Variants in PLEC observed in about 807,000 individuals in gnomAD.
PLEC encodes the protein plectin.
PLEC carries 216 observed loss-of-function variants against 392.8 expected under a neutral mutation model. That is an observed-to-expected ratio of 0.55 (90% CI 0.49 to 0.62). The LOEUF is 0.62. Ranked by LOEUF, PLEC falls within the 20% of genes least tolerant of loss-of-function variation. PLEC has a pLI of 0.00. For missense variants in PLEC, 6,863 were observed against 6,563.4 expected (o/e 1.05, Z -1.58); for synonymous variants, 3,621 against 2,980.6 (o/e 1.21, Z -7.00).
chr8:143,925,527 G>A lies in PLEC; in HGVS notation c.4402C>T (p.Arg1468Cys), dbSNP rs1210256536. The A allele has an allele frequency of 1.1e-5, 18 of 1,595,106 alleles. No individual in the cohort carries two copies. The highest frequency in any genetic ancestry group is 4.5e-5 in the East Asian group (2 of 44,776). ...TGCAGCTCCCCCTCAGCCCCGCCAC[G>A]CTGGCGCTCGGTGGCCTCCAACTGC... ...RLQLEATERQ[R>C]GGAEGELQAL... Residue 1468 changes from arginine to cysteine, a missense_variant, in exon 31 of 32, where the codon CGT becomes TGT. Transcript: ENST00000345136.
rs781887449 is a variant in PLEC at position 143,929,703 on chromosome 8, G to C, written c.2866C>G (p.Arg956Gly). 1 of 1,599,532 alleles carries C rather than the reference G, an allele frequency of 6.3e-7. No individual in the cohort carries two copies. ...TGGTGGCTGCAGGAGCCGTACTCGC[G>C]CTCAGCCATCAGCCGGTCCTCGGGT... ...FGPEDRLMAEREYGSCSHHYQ... is the reference protein window; with the variant it reads ...FGPEDRLMAEGEYGSCSHHYQ... The change falls in exon 23 of 32, where the codon CGC (arginine) becomes GGC (glycine). Residue 956 changes from arginine (R) to glycine (G), a missense_variant. Coordinates refer to ENST00000345136, the MANE Select transcript of PLEC (RefSeq NM_201384.3).
Position 143,925,818 on chromosome 8 carries a change from T to G in PLEC, c.4111A>C (p.Lys1371Gln). ...RLAEVEAALE[K>Q]QRQLAEAHAQ... Reference sequence around the variant, plus strand: ...TGCGCCTCGGCCAGCTGCCGCTGCTTCTCCAGCGCGGCCTCCACCTCGGCC... The same window carrying G: ...TGCGCCTCGGCCAGCTGCCGCTGCTGCTCCAGCGCGGCCTCCACCTCGGCC... The change falls in exon 31 of 32, where the codon AAG becomes CAG. Residue 1371 changes from lysine to glutamine, a missense_variant. Transcript: ENST00000345136. The G allele has an allele frequency of 6.4e-7, 1 of 1,562,934 alleles. No individual in the cohort carries two copies. Among genetic ancestry groups the G allele is most frequent in the South Asian group, 1.1e-5 (1 of 87,052 alleles).
intron 1 of PLEC, chr8:143,944,700 C>A (rs369285636): frequency 7.6e-7 from 1 of 1,312,500 alleles, no homozygotes; most frequent in Non-Finnish European, 9.8e-7. Flanking sequence ...GCAGACGGAG[C>A]GGGCCAGGGG....
chr8:143,927,813 T>A (rs1554708697), intron 26 of PLEC, 41 bp downstream of exon 26: 2 of 1,578,390 alleles, frequency 1.3e-6, no homozygotes, highest in African/African-American at 1.4e-5. Flanking sequence ...GGGCCCGCTG[T>A]ACCCCCACCC....
chr8:143,940,175 G>A (rs1830176020), upstream of PLEC, among the ~76,000 whole-genome samples: 1 of 152,164 alleles, frequency 6.6e-6, no homozygotes, highest in Admixed American at 6.5e-5. Context: ...GGGCCAGTGG[G>A]GTCCCACCCC....
Position 143,920,649 on chromosome 8 carries a change from A to G in PLEC, c.9172T>C (p.Leu3058=). The G allele has an allele frequency of 6.2e-7, 1 of 1,604,976 alleles. No individual in the cohort carries two copies. The highest frequency in any genetic ancestry group is 1.1e-5 in the South Asian group (1 of 91,082). ...LLPSDMAVAL[L]EAQAGTGHII... is the part of the protein sequence containing the mutation. The stretch of plus-strand genomic sequence containing the variant: ...TGCCCGGTGCCGGCCTGGGCTTCCA[A>G]CAGGGCCACGGCCATGTCGGATGGC... Residue 3058 remains leucine (L), a synonymous_variant, in exon 32 of 32, where the codon TTG becomes CTG. Coordinates refer to ENST00000345136, the MANE Select transcript of PLEC (RefSeq NM_201384.3).
Position 143,932,031 on chromosome 8 carries a change from G to A in PLEC, c.2084C>T (p.Ser695Phe), listed in dbSNP as rs1554716131. ...EDHPARPTVE[S>F]FQAALQTQWS... ...CTGCGTCTGCAGGGCCGCCTGGAAG[G>A]ACTGCGGGACAGCAGGTCCCGGTCA... The change falls in exon 18 of 32, where the codon TCC (serine) becomes TTC (phenylalanine). Residue 695 changes from serine to phenylalanine, a missense_variant and splice_region_variant. Ser to Phe is a radical substitution (Grantham distance 155). Coordinates refer to ENST00000345136, the MANE Select transcript of PLEC (RefSeq NM_201384.3). 6.3e-7 allele frequency: 1 copy of A among 1,596,896 alleles called. No homozygotes were observed. The highest frequency in any genetic ancestry group is 1.7e-5 in the Admixed American group (1 of 58,482).
chr8:143,920,509 C>A lies in PLEC; in HGVS notation c.9312G>T (p.Gly3104=). The change falls in exon 32 of 32, where the codon GGG becomes GGT. Residue 3104 remains glycine, a synonymous_variant. Transcript: ENST00000345136. ...KLLSAEKAVT[G]YRDPYTGQSV... ...TCTGCCCTGTGTAGGGGTCCCTGTA[C>A]CCTGTCACAGCCTTCTCGGCTGATA... The A allele has an allele frequency of 5.0e-6, 8 of 1,610,854 alleles. No individual in the cohort carries two copies. The highest frequency in any genetic ancestry group is 6.8e-6 in the Non-Finnish European group (8 of 1,179,330).
upstream of PLEC, chr8:143,975,257 C>T (rs781892362): frequency 1.9e-6 from 3 of 1,608,662 alleles, no homozygotes; most frequent in Non-Finnish European, 2.5e-6. This position sits in a 1 kb window ranked among gnomAD's most constrained non-coding sequence, Gnocchi z 9.9. Flanking sequence ...GCGCCGGCTC[C>T]GCTGCGTTTT....
At chr8:143,963,123 G>A (rs1015995462) in intron 1 of PLEC, among the ~76,000 whole-genome samples, 1 of 152,182 alleles carries the variant, frequency 6.6e-6, no homozygotes, top group Non-Finnish European at 1.5e-5. Context: ...GTGACATACA[G>A]GGGAGACCCA....
At chr8:143,930,107 C>T (rs375861260) in intron 21 of PLEC, 37 bp downstream of exon 21, 1 of 1,598,908 alleles carries the variant, frequency 6.3e-7, no homozygotes, top group Non-Finnish European at 8.5e-7. Flanking sequence ...GCCCCACCCG[C>T]CTTCCAGCCC....
chr8:143,918,211 GGTGCC>G lies in PLEC; in HGVS notation c.11605_11609del (p.Gly3869ArgfsTer95), dbSNP rs1821210787. On this transcript the variant is annotated frameshift_variant, in exon 32 of 32. Coordinates refer to ENST00000345136, the MANE Select transcript of PLEC (RefSeq NM_201384.3). LOFTEE classifies it high-confidence loss of function. ...CCGACAGTGGCAGGAGCAGCTGGCCGGTGCCGTCGTCACGACGGCACCGCCTGAGC... is the reference window on the plus strand; with the variant it reads ...CCGACAGTGGCAGGAGCAGCTGGCCGGTCGTCACGACGGCACCGCCTGAGC... The G allele has an allele frequency of 1.3e-6, 2 of 1,577,386 alleles. No homozygotes were observed. The highest frequency in any genetic ancestry group is 2.7e-5 in the African/African-American group (2 of 73,864).
At chr8:143,946,298 G>A (rs1170945031) in intron 1 of PLEC, 8 of 1,242,362 alleles carry the variant, frequency 6.4e-6, no homozygotes, top group African/African-American at 6.2e-5. Flanking sequence ...TGCCAGAGGC[G>A]GCCCCGGCCC....
intron 19 of PLEC, 102 bp downstream of exon 19, chr8:143,931,432 C>A: frequency 7.9e-7 from 1 of 1,271,152 alleles, no homozygotes; most frequent in South Asian, 1.3e-5. Flanking sequence ...CCTCCCAACT[C>A]CTGCTGGCCC....
At position 143,923,474 on chromosome 8, in the gene PLEC, G is replaced by C. The variant is rs200758669; in HGVS notation, c.6455C>G (p.Ala2152Gly). 3.7e-5 allele frequency: 59 copies of C among 1,600,918 alleles called. 1 individual carries two copies. In the Admixed American group the frequency reaches 9.9e-4, roughly 27 times the overall value. Reference protein sequence around the residue: ...AEQEAARRAQAEQAALRQKQA... With the variant: ...AEQEAARRAQGEQAALRQKQA... Reference sequence around the variant, plus strand: ...CTTCTGCCGCAGGGCCGCCTGCTCCGCCTGTGCCCGCCGCGCCGCCTCTTG... The same window carrying C: ...CTTCTGCCGCAGGGCCGCCTGCTCCCCCTGTGCCCGCCGCGCCGCCTCTTG... Residue 2152 changes from alanine to glycine, a missense_variant, in exon 31 of 32, where the codon GCG becomes GGG. By Grantham distance (60) the Ala-to-Gly change is moderately conservative (BLOSUM62 0). Coordinates refer to ENST00000345136, the MANE Select transcript of PLEC (RefSeq NM_201384.3).
chr8:143,937,185 C>T lies in PLEC; in HGVS notation c.322G>A (p.Asp108Asn), dbSNP rs1829275487. The change falls in exon 4 of 32, where the codon GAC becomes AAC. Residue 108 changes from aspartate (D) to asparagine (N), a missense_variant. Coordinates refer to ENST00000345136, the MANE Select transcript of PLEC (RefSeq NM_201384.3). ...CTTACCTGGCGGTGCCGGAGGTAGT[C>T]CAGGGCAATCTGGACATTCTGCAGC... ...HKLQNVQIAL[D>N]YLRHRQVKLV... is the part of the protein sequence containing the mutation. The T allele has an allele frequency of 6.2e-7, 1 of 1,612,708 alleles. No individual in the cohort carries two copies. The highest frequency in any genetic ancestry group is 1.3e-5 in the African/African-American group (1 of 75,022).
chr8:143,935,419 C>T, intron 6 of PLEC, 106 bp from the exon 7 acceptor site: 1 of 775,922 alleles, frequency 1.3e-6, no homozygotes, highest in Non-Finnish European at 2.2e-6. Context: ...AACCATGGAC[C>T]CCCCCAACAC....
Position 143,918,149 on chromosome 8 carries a change from T to G in PLEC, c.11672A>C (p.Gln3891Pro). Residue 3891 changes from glutamine (Q) to proline (P), a missense_variant, in exon 32 of 32, where the codon CAG becomes CCG. By Grantham distance (76) the Gln-to-Pro change is moderately conservative (BLOSUM62 -1). Transcript: ENST00000345136. ...GCGCACCAGCTCCTCCATGGTGATCTGCTTCCGCAGGCCACGGAAGGTCAG... is the reference window on the plus strand; with the variant it reads ...GCGCACCAGCTCCTCCATGGTGATCGGCTTCCGCAGGCCACGGAAGGTCAG... The part of the protein sequence containing the change: ...RKLTFRGLRK[Q>P]ITMEELVRSQ... The G allele has an allele frequency of 6.3e-7, 1 of 1,598,626 alleles. No homozygotes were observed. The highest frequency in any genetic ancestry group is 8.5e-7 in the Non-Finnish European group (1 of 1,179,004).
Position 143,936,016 on chromosome 8 carries a change from T to G in PLEC, c.436-2A>C. The G allele has an allele frequency of 6.2e-7, 1 of 1,611,528 alleles. No individual in the cohort carries two copies. The highest frequency in any genetic ancestry group is 8.5e-7 in the Non-Finnish European group (1 of 1,179,908). On this transcript the variant is annotated splice_acceptor_variant, in intron 5 of 31. Transcript: ENST00000345136. LOFTEE classifies it high-confidence loss of function. ...CCCACTCACCTGGATATCTGAGATCTGCTCACAGCAGAGAGGAGGCCACAG... is the reference window on the plus strand; with the variant it reads ...CCCACTCACCTGGATATCTGAGATCGGCTCACAGCAGAGAGGAGGCCACAG...
Sources: gnomAD v4.1 joint callset for allele counts (sites outside exome capture counted in the v4.1 genomes callset) on GRCh38, gnomAD v4.1.1 for gene constraint, Gnocchi (gnomAD v3.1) non-coding constraint, MANE v1.5 for transcripts, NCBI Gene and HGNC (gene_info 2026-07-23, HGNC 2026-07-21) for gene names.